WWOX: variants seen among roughly 807,000 people sequenced by gnomAD.
WWOX encodes the protein WW domain containing oxidoreductase.
In WWOX, 69 loss-of-function variants were observed where a neutral mutation model predicts 46.2. The observed-to-expected ratio is 1.49, with a 90% confidence interval of 1.23 to 1.82. The LOEUF (loss-of-function observed/expected upper bound fraction) is 1.82. Ranked by LOEUF, WWOX falls within the 40% of genes most tolerant of loss-of-function variation. WWOX has a pLI of 0.00. For synonymous variants in WWOX, 359 were observed against 202.6 expected (o/e 1.77, Z -6.56); for missense variants, 919 against 542.6 (o/e 1.69, Z -6.89).
At chr16:79,084,410 C>A (rs2048817154) in intron 8 of WWOX, among the ~76,000 whole-genome samples, 1 of 152,034 alleles carries the variant, frequency 6.6e-6, no homozygotes. Context: ...ATGGTGATAA[C>A]AGCTTATGAC....
At chr16:79,056,214 C>G (rs1451499239) in intron 8 of WWOX, among the ~76,000 whole-genome samples, 1 of 80,094 alleles carries the variant, frequency 1.2e-5, no homozygotes, top group Non-Finnish European at 2.4e-5. Context: ...TGTCACTAGA[C>G]CAAAAAAAAA....
chr16:79,071,705 A>T (rs1166376061), intron 8 of WWOX, among the ~76,000 whole-genome samples: 1 of 152,214 alleles, frequency 6.6e-6, no homozygotes, highest in African/African-American at 2.4e-5. Flanking sequence ...CACGTTGTAA[A>T]CGTAGCTTTT....
chr16:78,474,664 C>G (rs1211135497), intron 8 of WWOX, among the ~76,000 whole-genome samples: 1 of 152,116 alleles, frequency 6.6e-6, no homozygotes, highest in Non-Finnish European at 1.5e-5. Context: ...AGTTGTGCAA[C>G]CATTGCCACA....
At chr16:79,090,589 C>A (rs541170743) in intron 8 of WWOX, among the ~76,000 whole-genome samples, 1 of 152,068 alleles carries the variant, frequency 6.6e-6, no homozygotes, top group African/African-American at 2.4e-5. Context: ...GACAGGAAGA[C>A]GATGCTGTAT....
At chr16:79,159,675 C>G (rs1597431919) in intron 8 of WWOX, among the ~76,000 whole-genome samples, 1 of 152,172 alleles carries the variant, frequency 6.6e-6, no homozygotes, top group Admixed American at 6.5e-5. Flanking sequence ...ATTTAACAAG[C>G]CACTGAGCAG....
chr16:79,018,125 T>C (rs748723261), intron 8 of WWOX, among the ~76,000 whole-genome samples: 5 of 152,206 alleles, frequency 3.3e-5, no homozygotes, highest in Admixed American at 2.6e-4. Context: ...GAGGCAGAGG[T>C]ATCATGGCCT....
At chr16:78,653,074 G>C (rs1217917763) in intron 8 of WWOX, among the ~76,000 whole-genome samples, 4 of 151,932 alleles carry the variant, frequency 2.6e-5, no homozygotes, top group East Asian at 1.9e-4. Context: ...TTAATATTTT[G>C]TTGCATGTTC....
At chr16:78,615,175 G>C in intron 8 of WWOX, among the ~76,000 whole-genome samples, 1 of 152,188 alleles carries the variant, frequency 6.6e-6, no homozygotes. Context: ...TTTAGAGGTT[G>C]TAAGCTAAGT....
At chr16:78,493,675 C>T (rs2084841440) in intron 8 of WWOX, among the ~76,000 whole-genome samples, 1 of 152,146 alleles carries the variant, frequency 6.6e-6, no homozygotes, top group African/African-American at 2.4e-5. Context: ...GCGTATAATC[C>T]ACAGCACTCC....
At chr16:78,791,598 C>T (rs532559939) in intron 8 of WWOX, among the ~76,000 whole-genome samples, 2 of 152,204 alleles carry the variant, frequency 1.3e-5, no homozygotes, top group East Asian at 3.9e-4. Flanking sequence ...AACAGAAGGG[C>T]TGGGTGCGGT....
intron 8 of WWOX, among the ~76,000 whole-genome samples, chr16:78,853,912 A>T (rs550852464): frequency 6.6e-6 from 1 of 152,302 alleles, no homozygotes; most frequent in East Asian, 1.9e-4. Context: ...ATGTAATTTA[A>T]AATACTTGTA....
At position 78,637,779 on chromosome 16, in the gene WWOX, G is replaced by A. The variant is rs148576138; in HGVS notation, c.1056+205027G>A. Among the ~76,000 whole-genome samples, 450 of 152,330 alleles carry A rather than the reference G, an allele frequency of 3.0e-3. 2 individuals carry two copies. The highest frequency in any genetic ancestry group is 0.01 in the African/African-American group (420 of 41,580). ...TAAGAGTGTCAAAATGGAGGGATGTGTAGGGGACCTAGGGCCTGGGTAACA... is the reference window on the plus strand; with the variant it reads ...TAAGAGTGTCAAAATGGAGGGATGTATAGGGGACCTAGGGCCTGGGTAACA... On this transcript the variant is annotated intron_variant, in intron 8 of 8. Coordinates refer to ENST00000566780, the MANE Select transcript of WWOX (RefSeq NM_016373.4).
chr16:78,729,607 T>A (rs113357075), intron 8 of WWOX, among the ~76,000 whole-genome samples: 2 of 152,088 alleles, frequency 1.3e-5, no homozygotes, highest in African/African-American at 4.8e-5. Context: ...GAAGATCTCT[T>A]CCAGGGCCTC....
intron 8 of WWOX, among the ~76,000 whole-genome samples, chr16:78,816,456 A>G (rs1264397537): frequency 6.7e-6 from 1 of 150,104 alleles, no homozygotes; most frequent in Non-Finnish European, 1.5e-5. Flanking sequence ...GAGCTTACTC[A>G]AAATCCTGCC....
chr16:79,211,348 T>C (rs1165259130), intron 8 of WWOX, among the ~76,000 whole-genome samples: 1 of 152,084 alleles, frequency 6.6e-6, no homozygotes, highest in Non-Finnish European at 1.5e-5. Flanking sequence ...TGTGTATTTA[T>C]TTTCCAAGCC....
chr16:78,422,663 G>GTATGTGTATATATATATATATATA (rs1555536293), intron 6 of WWOX, among the ~76,000 whole-genome samples: 1 of 24,382 alleles, frequency 4.1e-5, no homozygotes, highest in Non-Finnish European at 1.1e-4. Flanking sequence ...TTTTTTACAT[G>GTATGTGTATATATATATATATATA]TATATATATA....
chr16:78,863,951 A>T (rs555146085), intron 8 of WWOX, among the ~76,000 whole-genome samples: 229 of 152,334 alleles, frequency 1.5e-3, no homozygotes, highest in Non-Finnish European at 2.5e-3. Flanking sequence ...GTGGCTGAAT[A>T]TCATTGCATT....
Position 79,210,152 on chromosome 16 carries a change from C to T in WWOX, c.1057-1456C>T, listed in dbSNP as rs138269786. Reference sequence around the variant, plus strand: ...TCACGGTCCACACCCCGCCCAGAGTCGTATCACTTGACTGCATTTGACCAT... The same window carrying T: ...TCACGGTCCACACCCCGCCCAGAGTTGTATCACTTGACTGCATTTGACCAT... On this transcript the variant is annotated intron_variant, in intron 8 of 8. Coordinates refer to ENST00000566780, the MANE Select transcript of WWOX (RefSeq NM_016373.4). Among the ~76,000 whole-genome samples the T allele has an allele frequency of 9.8e-5, 15 of 152,324 alleles. No individual in the cohort carries two copies. The East Asian group carries it at 1.4e-3, about 14-fold the overall frequency.
chr16:78,342,696 A>G (rs1038468091), intron 5 of WWOX, among the ~76,000 whole-genome samples: 2 of 120,462 alleles, frequency 1.7e-5, no homozygotes, highest in Admixed American at 1.6e-4. Flanking sequence ...GCTTTCCACC[A>G]TATGCATAGA....
Sources: gnomAD v4.1 joint callset for allele counts (sites outside exome capture counted in the v4.1 genomes callset) on GRCh38, gnomAD v4.1.1 for gene constraint, MANE v1.5 for transcripts, NCBI Gene and HGNC (gene_info 2026-07-23, HGNC 2026-07-21) for gene names.